Variants in ROBO2 observed in about 807,000 individuals in gnomAD.
The protein encoded by ROBO2 is roundabout guidance receptor 2, also known as roundabout homolog 2.
In ROBO2, 53 loss-of-function variants were observed where a neutral mutation model predicts 160.8. The ratio of observed to expected loss-of-function variants is 0.33; its 90% CI spans 0.26 to 0.41. The LOEUF is 0.41. Ranked by LOEUF, ROBO2 falls within the 10% of genes least tolerant of loss-of-function variation. ROBO2 has a pLI of 1.00. For synonymous variants in ROBO2, 664 were observed against 611.7 expected (o/e 1.09, Z -1.26); for missense variants, 1,577 against 1,722.4 (o/e 0.92, Z 1.49).
At chr3:77,631,029 G>C (rs908979892) in intron 23 of ROBO2, 7 of 150,666 alleles carry the variant, frequency 4.6e-5, no homozygotes, top group African/African-American at 1.7e-4. Flanking sequence ...TTGGATCGTT[G>C]GTCCTTGACT....
At chr3:76,513,817 G>A (rs1216288019) in intron 2 of ROBO2, among the ~76,000 whole-genome samples, 2 of 151,852 alleles carry the variant, frequency 1.3e-5, no homozygotes, top group Admixed American at 6.6e-5. Flanking sequence ...TACCCACTTC[G>A]GCCAACCTCA....
intron 2 of ROBO2, among the ~76,000 whole-genome samples, chr3:77,454,497 C>A (rs949291757): frequency 1.3e-5 from 2 of 152,134 alleles, no homozygotes; most frequent in Non-Finnish European, 2.9e-5. Flanking sequence ...ACATTTGAGG[C>A]AGAAAGTTGG....
intron 2 of ROBO2, among the ~76,000 whole-genome samples, chr3:77,343,996 C>G (rs1280840967): frequency 6.6e-6 from 1 of 152,140 alleles, no homozygotes; most frequent in Non-Finnish European, 1.5e-5. Flanking sequence ...AATAAGCTCC[C>G]TGTTCTTGAG....
chr3:77,109,564 A>G (rs1206753738), intron 2 of ROBO2, among the ~76,000 whole-genome samples: 2 of 152,234 alleles, frequency 1.3e-5, no homozygotes, highest in Admixed American at 6.5e-5. Context: ...CTGACTCTGC[A>G]AGAGAATGTG....
intron 2 of ROBO2, among the ~76,000 whole-genome samples, chr3:76,174,835 TG>T (rs1164329379): frequency 1.3e-5 from 2 of 152,168 alleles, no homozygotes; most frequent in African/African-American, 4.8e-5. Flanking sequence ...AGGATTGTCT[TG>T]GCTATATGGG....
chr3:77,154,369 G>A (rs185282361), intron 2 of ROBO2, among the ~76,000 whole-genome samples: 13 of 152,150 alleles, frequency 8.5e-5, no homozygotes, highest in Admixed American at 2.6e-4. Flanking sequence ...GTTTTTAGAC[G>A]CTGGTGAGGC....
At chr3:76,548,217 T>C (rs970318024) in intron 2 of ROBO2, among the ~76,000 whole-genome samples, 1 of 152,186 alleles carries the variant, frequency 6.6e-6, no homozygotes, top group East Asian at 1.9e-4. Flanking sequence ...CTTATTCACA[T>C]TCAATTCATT....
chr3:77,005,877 T>A (rs374638578), intron 2 of ROBO2, among the ~76,000 whole-genome samples: 4 of 152,216 alleles, frequency 2.6e-5, no homozygotes, highest in African/African-American at 9.6e-5. Flanking sequence ...AAATATTCTG[T>A]CTCTTTGTCC....
chr3:77,331,631 T>G (rs2065972262), intron 2 of ROBO2, among the ~76,000 whole-genome samples: 1 of 152,208 alleles, frequency 6.6e-6, no homozygotes, highest in African/African-American at 2.4e-5. Flanking sequence ...ATTTTTCTAC[T>G]TATTCAGTTG....
At chr3:76,761,906 T>C in intron 2 of ROBO2, among the ~76,000 whole-genome samples, 1 of 151,748 alleles carries the variant, frequency 6.6e-6, no homozygotes, top group East Asian at 2.0e-4. Context: ...TGGTACCCAG[T>C]TCAGTGTTTG....
chr3:76,751,025 A>G (rs2093976696), intron 2 of ROBO2, among the ~76,000 whole-genome samples: 1 of 152,158 alleles, frequency 6.6e-6, no homozygotes, highest in East Asian at 1.9e-4. Flanking sequence ...TGGAGGCATC[A>G]CGCTACCTGA....
At chr3:77,640,496 C>G (rs1031025392) in intron 24 of ROBO2, among the ~76,000 whole-genome samples, 1 of 152,090 alleles carries the variant, frequency 6.6e-6, no homozygotes, top group Non-Finnish European at 1.5e-5. Context: ...GTGGAACTGT[C>G]CAGTGTAGCT....
chr3:77,469,388 G>A (rs1389976357), intron 2 of ROBO2, among the ~76,000 whole-genome samples: 2 of 152,028 alleles, frequency 1.3e-5, no homozygotes, highest in Non-Finnish European at 2.9e-5. Flanking sequence ...GAGATAGGGT[G>A]CTTTTTTCAT....
chr3:77,120,225 T>C (rs763071240), intron 2 of ROBO2, among the ~76,000 whole-genome samples: 6 of 152,172 alleles, frequency 3.9e-5, no homozygotes, highest in South Asian at 2.1e-4. Flanking sequence ...GGCATGAACA[T>C]TTGTCCTACG....
chr3:77,264,828 T>G (rs1194009989), intron 2 of ROBO2, among the ~76,000 whole-genome samples: 1 of 152,178 alleles, frequency 6.6e-6, no homozygotes, highest in African/African-American at 2.4e-5. Flanking sequence ...TAGAGAGTTG[T>G]CTTTTTGTTA....
intron 2 of ROBO2, among the ~76,000 whole-genome samples, chr3:76,936,558 G>A (rs977834946): frequency 7.2e-5 from 11 of 151,866 alleles, no homozygotes; most frequent in African/African-American, 2.7e-4. Flanking sequence ...TAAAAGCAAG[G>A]ACTGATAAAT....
intron 2 of ROBO2, among the ~76,000 whole-genome samples, chr3:76,474,070 T>G (rs1218937264): frequency 1.3e-5 from 2 of 152,080 alleles, no homozygotes; most frequent in Admixed American, 1.3e-4. Context: ...GGTTATAGAG[T>G]AAGTTCCTCT....
At chr3:76,931,915 A>C (rs148167677) in intron 2 of ROBO2, among the ~76,000 whole-genome samples, 4,561 of 152,220 alleles carry the variant, frequency 0.03, 200 homozygotes, top group African/African-American at 0.1. Context: ...TCCTGACCTC[A>C]GGTGATCTAC....
At chr3:77,565,783 C>T (rs1022534997) in intron 12 of ROBO2, among the ~76,000 whole-genome samples, 4 of 151,998 alleles carry the variant, frequency 2.6e-5, no homozygotes, top group East Asian at 3.9e-4. Context: ...TCAATTCTTT[C>T]GACTATAATG....
Sources: gnomAD v4.1 joint callset for allele counts (sites outside exome capture counted in the v4.1 genomes callset) on GRCh38, gnomAD v4.1.1 for gene constraint, MANE v1.5 for transcripts, NCBI Gene and HGNC (gene_info 2026-07-23, HGNC 2026-07-21) for gene names.